Variants in CNTNAP2 observed in about 807,000 individuals in gnomAD.
CNTNAP2 encodes contactin associated protein 2, also known as contactin-associated protein-like 2.
In CNTNAP2, 98 loss-of-function variants were observed where a neutral mutation model predicts 155.2. That is an observed-to-expected ratio of 0.63 (90% CI 0.54 to 0.75). CNTNAP2 has a LOEUF of 0.75. Among genes scored for constraint, CNTNAP2 ranks in the 30% least tolerant of loss-of-function variants. The pLI is 0.00. For synonymous variants in CNTNAP2, 651 were observed against 631.2 expected, an observed-to-expected ratio of 1.03 and a Z score of -0.47; for missense variants, 1,727 against 1,688.1, an observed-to-expected ratio of 1.02 and a Z score of -0.40.
intron 15 of CNTNAP2, among the ~76,000 whole-genome samples, chr7:148,061,925 A>T (rs1237406129): frequency 1.5e-5 from 1 of 68,410 alleles, no homozygotes; most frequent in Non-Finnish European, 2.7e-5. Context: ...ACAGATATAG[A>T]TAGATAGATA....
chr7:148,206,489 A>C (rs550607909), intron 18 of CNTNAP2, among the ~76,000 whole-genome samples: 337 of 152,218 alleles, frequency 2.2e-3, no homozygotes, highest in African/African-American at 7.7e-3. Context: ...CTTGTAAAAA[A>C]TTTTAAAATA....
intron 1 of CNTNAP2, among the ~76,000 whole-genome samples, chr7:146,354,479 A>G (rs1794969375): frequency 1.3e-5 from 2 of 149,908 alleles, no homozygotes; most frequent in Non-Finnish European, 1.5e-5. Flanking sequence ...CAGTGGTGCA[A>G]TGTCAGTTCA....
At chr7:147,177,305 G>T (rs1397175761) in intron 8 of CNTNAP2, among the ~76,000 whole-genome samples, 2 of 151,944 alleles carry the variant, frequency 1.3e-5, no homozygotes, top group Non-Finnish European at 2.9e-5. Flanking sequence ...TGATGGGAGC[G>T]GTTTCCCCCA....
intron 4 of CNTNAP2, among the ~76,000 whole-genome samples, chr7:147,075,376 C>T (rs544634168): frequency 6.6e-6 from 1 of 152,148 alleles, no homozygotes; most frequent in South Asian, 2.1e-4. Context: ...TTATCTAGAA[C>T]TTAAGAAATC....
chr7:147,972,842 A>G (rs1291554697), intron 14 of CNTNAP2, among the ~76,000 whole-genome samples: 1 of 152,146 alleles, frequency 6.6e-6, no homozygotes, highest in Non-Finnish European at 1.5e-5. Context: ...GATTCACACA[A>G]GATGCTCAGA....
At chr7:146,631,876 A>T (rs1024981162) in intron 1 of CNTNAP2, among the ~76,000 whole-genome samples, 1 of 152,186 alleles carries the variant, frequency 6.6e-6, no homozygotes, top group Non-Finnish European at 1.5e-5. Context: ...CCAAATACAA[A>T]TGTTCAAAAT....
intron 8 of CNTNAP2, among the ~76,000 whole-genome samples, chr7:147,155,975 A>G (rs1227040680): frequency 3.9e-5 from 6 of 152,156 alleles, no homozygotes; most frequent in Non-Finnish European, 8.8e-5. Flanking sequence ...GATACCATTT[A>G]GTAGGTGCAT....
chr7:147,611,658 A>G (rs1276543521), intron 12 of CNTNAP2, among the ~76,000 whole-genome samples: 2 of 152,202 alleles, frequency 1.3e-5, no homozygotes, highest in Non-Finnish European at 2.9e-5. Context: ...GCTTAAAAAT[A>G]ATCACTATTT....
At chr7:147,051,172 A>G (rs2129258577) in intron 4 of CNTNAP2, among the ~76,000 whole-genome samples, 1 of 127,948 alleles carries the variant, frequency 7.8e-6, no homozygotes, top group South Asian at 2.4e-4. Context: ...AATATTATAT[A>G]TACATATATA....
At chr7:147,993,052 G>T (rs1376021648) in intron 15 of CNTNAP2, among the ~76,000 whole-genome samples, 1 of 152,144 alleles carries the variant, frequency 6.6e-6, no homozygotes, top group Non-Finnish European at 1.5e-5. Context: ...TTTTGCTGTG[G>T]TATTCTCATT....
At chr7:147,803,037 A>G (rs1189415421) in intron 13 of CNTNAP2, among the ~76,000 whole-genome samples, 1 of 152,194 alleles carries the variant, frequency 6.6e-6, no homozygotes, top group Non-Finnish European at 1.5e-5. Flanking sequence ...TGAACAAGAG[A>G]AAAATTTACG....
intron 1 of CNTNAP2, among the ~76,000 whole-genome samples, chr7:146,297,283 A>G (rs1185831451): frequency 6.6e-6 from 1 of 152,134 alleles, no homozygotes; most frequent in Non-Finnish European, 1.5e-5. Flanking sequence ...CCATAAAGAA[A>G]AAGATACCTT....
chr7:146,480,540 C>T (rs1213969699), intron 1 of CNTNAP2, among the ~76,000 whole-genome samples: 2 of 151,692 alleles, frequency 1.3e-5, no homozygotes, highest in East Asian at 3.9e-4. Context: ...GTTGATGCAC[C>T]TTTGTAGTTA....
intron 1 of CNTNAP2, among the ~76,000 whole-genome samples, chr7:146,624,956 T>A (rs1799394965): frequency 6.6e-6 from 1 of 151,972 alleles, no homozygotes. Context: ...TTATAAATTA[T>A]GTAGGTCCAG....
At chr7:147,388,087 G>T (rs926698628) in intron 9 of CNTNAP2, among the ~76,000 whole-genome samples, 1 of 152,148 alleles carries the variant, frequency 6.6e-6, no homozygotes, top group African/African-American at 2.4e-5. Context: ...AGTAGGATAT[G>T]ATCTGTAGCT....
intron 12 of CNTNAP2, among the ~76,000 whole-genome samples, chr7:147,563,663 C>T (rs1800111289): frequency 7.7e-6 from 1 of 129,198 alleles, no homozygotes; most frequent in Non-Finnish European, 1.7e-5. Flanking sequence ...ATAAAACTTG[C>T]CCATATTATT....
chr7:147,289,860 ATTG>A (rs1472329916), intron 8 of CNTNAP2, among the ~76,000 whole-genome samples: 52 of 152,276 alleles, frequency 3.4e-4, no homozygotes, highest in African/African-American at 9.9e-4. Context: ...TGGGTTTCCC[ATTG>A]TTTGATGACG....
intron 1 of CNTNAP2, among the ~76,000 whole-genome samples, chr7:146,439,597 A>G (rs1718087): frequency 0.037 from 5,634 of 151,608 alleles, 599 homozygotes; most frequent in African/African-American, 0.13. Flanking sequence ...CCCAAACAAA[A>G]TGCCATCTGC....
At chr7:147,750,847 G>C (rs1156689249) in intron 13 of CNTNAP2, among the ~76,000 whole-genome samples, 1 of 151,988 alleles carries the variant, frequency 6.6e-6, no homozygotes, top group Non-Finnish European at 1.5e-5. Flanking sequence ...GACCATCCTG[G>C]CTAACATGGT....
Sources: gnomAD v4.1 joint callset for allele counts (sites outside exome capture counted in the v4.1 genomes callset) on GRCh38, gnomAD v4.1.1 for gene constraint, MANE v1.5 for transcripts, NCBI Gene and HGNC (gene_info 2026-07-23, HGNC 2026-07-21) for gene names.